Variants in PCDHGA4 observed in about 807,000 individuals in gnomAD.
PCDHGA4 encodes protocadherin gamma-A4.
PCDHGA4 carries 38 observed loss-of-function variants against 54.6 expected under a neutral mutation model. The ratio of observed to expected loss-of-function variants is 0.70; its 90% CI spans 0.54 to 0.91. PCDHGA4 has a LOEUF of 0.91. Among genes scored for constraint, PCDHGA4 ranks in the 40% least tolerant of loss-of-function variants. The pLI is 0.00. For missense variants in PCDHGA4, 1,298 were observed against 1,220.9 expected, an observed-to-expected ratio of 1.06 and a Z score of -0.94; for synonymous variants, 511 against 512.9, an observed-to-expected ratio of 1.00 and a Z score of 0.05.
intron 1 of PCDHGA4, chr5:141,392,765 C>T (rs952463522): frequency 2.7e-6 from 4 of 1,482,974 alleles, no homozygotes; most frequent in Admixed American, 5.1e-5. Flanking sequence ...TAAATAAGAC[C>T]CATTTATGCA....
chr5:141,357,342 C>G lies in PCDHGA4; in HGVS notation c.2235C>G (p.Leu745=). The G allele has an allele frequency of 1.2e-6, 2 of 1,614,144 alleles. No individual in the cohort carries two copies. Among genetic ancestry groups the G allele is most frequent in the Non-Finnish European group, 1.7e-6 (2 of 1,179,958 alleles). ...FLAFVTVLLA[L]KLRRWHKSRL... ...CTTTTGTCACGGTGCTGCTAGCACT[C>G]AAGCTGAGACGCTGGCACAAGTCAC... Residue 745 remains leucine, a synonymous_variant, in exon 1 of 4, where the codon CTC becomes CTG. Coordinates refer to ENST00000571252, the MANE Select transcript of PCDHGA4 (RefSeq NM_018917.4).
chr5:141,389,324 G>A (rs1425596117), intron 1 of PCDHGA4: 2 of 1,613,848 alleles, frequency 1.2e-6, no homozygotes, highest in African/African-American at 1.3e-5. Flanking sequence ...CGGACTTGGG[G>A]CCCAACGGCC....
intron 1 of PCDHGA4, chr5:141,372,142 A>T: frequency 2.5e-6 from 4 of 1,613,728 alleles, no homozygotes; most frequent in Non-Finnish European, 3.4e-6. Flanking sequence ...CGCTCTGCAG[A>T]GCCTGGCTAC....
chr5:141,433,234 C>T (rs773942024), intron 1 of PCDHGA4: 3 of 1,512,746 alleles, frequency 2.0e-6, no homozygotes, highest in Middle Eastern at 1.8e-4. Flanking sequence ...TGCTCTGTCT[C>T]CCAAGCTGGA....
chr5:141,441,700 T>TCAAG (rs1409793305), intron 1 of PCDHGA4: 1 of 308,660 alleles, frequency 3.2e-6, no homozygotes, highest in African/African-American at 2.3e-5. Context: ...CCGCGAGCCT[T>TCAAG]CAAGCTCACG....
intron 1 of PCDHGA4, chr5:141,370,805 C>T: frequency 6.2e-7 from 1 of 1,614,026 alleles, no homozygotes; most frequent in Non-Finnish European, 8.5e-7. Flanking sequence ...GCCAAAATAT[C>T]ACTGAGCTGG....
intron 1 of PCDHGA4, chr5:141,385,002 C>T: frequency 6.2e-7 from 1 of 1,614,138 alleles, no homozygotes; most frequent in Admixed American, 1.7e-5. Flanking sequence ...CCACAGTCTC[C>T]TGCGTCTTCC....
intron 1 of PCDHGA4, chr5:141,415,652 A>AG: frequency 6.3e-7 from 1 of 1,590,778 alleles, no homozygotes; most frequent in African/African-American, 1.4e-5. Flanking sequence ...AAAAAAAAAA[A>AG]GATTGGTTTT....
chr5:141,372,816 T>C lies in PCDHGA4; in HGVS notation c.2514+15195T>C, dbSNP rs1480093678. The C allele has an allele frequency of 3.2e-6, 5 of 1,580,556 alleles. No homozygotes were observed. In the Admixed American group the frequency reaches 9.1e-5, roughly 29 times the overall value. On this transcript the variant is annotated intron_variant, in intron 1 of 3. Transcript: ENST00000571252. ...TTCAGGCAATTTGCAAAAGGTGAGTTTCTTCAAACCTTTCCTTCCATAAAT... is the reference window on the plus strand; with the variant it reads ...TTCAGGCAATTTGCAAAAGGTGAGTCTCTTCAAACCTTTCCTTCCATAAAT...
intron 1 of PCDHGA4, chr5:141,365,395 G>T (rs753717509): frequency 5.6e-6 from 9 of 1,613,978 alleles, no homozygotes; most frequent in Non-Finnish European, 7.6e-6. Flanking sequence ...TGACCAGTTC[G>T]ATCTCTGAAG....
At chr5:141,383,710 G>T in intron 1 of PCDHGA4, 1 of 1,613,992 alleles carries the variant, frequency 6.2e-7, no homozygotes, top group South Asian at 1.1e-5. Context: ...CGACCTGGAC[G>T]AGGGAGTCAA....
chr5:141,366,744 G>T (rs754996318), intron 1 of PCDHGA4: 1 of 1,611,828 alleles, frequency 6.2e-7, no homozygotes, highest in South Asian at 1.1e-5. Context: ...GAAGAACGGC[G>T]AGTTCAGGTT....
intron 1 of PCDHGA4, chr5:141,374,535 G>A (rs752542327): frequency 1.9e-6 from 3 of 1,613,092 alleles, no homozygotes; most frequent in South Asian, 2.2e-5. Flanking sequence ...CCATCCTCTC[G>A]TTTTCCACTA....
intron 1 of PCDHGA4, chr5:141,421,399 C>G: frequency 4.3e-6 from 7 of 1,614,046 alleles, no homozygotes; most frequent in Non-Finnish European, 5.1e-6. Context: ...GCTGGAGCCC[C>G]GGGAGCTGGC....
intron 1 of PCDHGA4, chr5:141,385,538 G>A (rs914768371): frequency 4.1e-5 from 55 of 1,337,642 alleles, no homozygotes; most frequent in Non-Finnish European, 4.8e-5. Flanking sequence ...TTATGAATAT[G>A]TGGACTATCA....
At position 141,489,515 on chromosome 5, in the gene PCDHGA4, G is replaced by T; in HGVS notation, c.2515-5292G>T. ...CTGGCAGTGAATCAAAAGATTGACC[G>T]AGAAAGCCTATGTGGAGCCAGCACC... On this transcript the variant is annotated intron_variant, in intron 1 of 3. Coordinates refer to ENST00000571252, the MANE Select transcript of PCDHGA4 (RefSeq NM_018917.4). This position sits in a 1 kb window ranked among gnomAD's most constrained non-coding sequence, Gnocchi z 4.5. 4.3e-6 allele frequency: 7 copies of T among 1,614,104 alleles called. No individual in the cohort carries two copies. Among genetic ancestry groups the T allele is most frequent in the Non-Finnish European group, 5.9e-6 (7 of 1,180,034 alleles).
intron 1 of PCDHGA4, chr5:141,441,364 C>T (rs533396852): frequency 6.6e-6 from 1 of 152,646 alleles, no homozygotes; most frequent in South Asian, 2.1e-4. Context: ...CAAATGGGGC[C>T]GTGGACCAGG....
rs1187459113 is a variant in PCDHGA4 at position 141,487,187 on chromosome 5, G to A, written c.2515-7620G>A. On this transcript the variant is annotated intron_variant, in intron 1 of 3. Coordinates refer to ENST00000571252, the MANE Select transcript of PCDHGA4 (RefSeq NM_018917.4). This position sits in a 1 kb window ranked among gnomAD's most constrained non-coding sequence, Gnocchi z 5.0. The stretch of plus-strand genomic sequence containing the variant: ...GTCCTTAGAGGAAGACACTCATCCA[G>A]TTGTCCCAGATCTTCGAGAATCTTC... 1.2e-6 allele frequency: 2 copies of A among 1,613,826 alleles called. No homozygotes were observed. Among genetic ancestry groups the A allele is most frequent in the Admixed American group, 3.3e-5 (2 of 60,024 alleles).
chr5:141,388,170 T>A (rs756859307), intron 1 of PCDHGA4: 1 of 1,495,754 alleles, frequency 6.7e-7, no homozygotes, highest in East Asian at 2.3e-5. Context: ...GGAGGAGATA[T>A]GCGGGAAGAA....
Sources: allele counts gnomAD v4.1 joint callset, GRCh38; gene constraint gnomAD v4.1.1; non-coding constraint Gnocchi (gnomAD v3.1); transcripts MANE v1.5; gene names NCBI Gene and HGNC (gene_info 2026-07-23, HGNC 2026-07-21).